CLEC16A: variants seen among roughly 807,000 people sequenced by gnomAD.
The protein encoded by CLEC16A is protein CLEC16A.
In CLEC16A, 51 loss-of-function variants were observed where a neutral mutation model predicts 109.5. The ratio of observed to expected loss-of-function variants is 0.47; its 90% CI spans 0.37 to 0.59. The LOEUF (loss-of-function observed/expected upper bound fraction) is 0.59, where lower values mean the gene tolerates loss of function less well. Among genes scored for constraint, CLEC16A ranks in the 20% least tolerant of loss-of-function variants. The pLI, the probability that CLEC16A is intolerant of heterozygous loss-of-function variation, is 0.00. For missense variants in CLEC16A, 1,339 were observed against 1,394.0 expected (o/e 0.96, Z 0.63); for synonymous variants, 673 against 564.2 (o/e 1.19, Z -2.73).
At chr16:11,071,036 T>G (rs564050835) in intron 19 of CLEC16A, 7 of 152,384 alleles carry the variant, frequency 4.6e-5, no homozygotes, top group African/African-American at 1.7e-4. Flanking sequence ...CCAGCTTCTT[T>G]GCAGACAAGA....
intron 21 of CLEC16A, among the ~76,000 whole-genome samples, chr16:11,125,581 C>T (rs7206125): frequency 0.12 from 18,590 of 152,282 alleles, 1,294 homozygotes; most frequent in South Asian, 0.22. Context: ...TATACATACA[C>T]ACGTATACGT....
intron 14 of CLEC16A, 81 bp from the exon 15 acceptor site, chr16:11,042,173 C>A: frequency 2.9e-6 from 3 of 1,047,060 alleles, no homozygotes; most frequent in South Asian, 1.4e-5. Context: ...ACCTGCTAGC[C>A]TCAACGTGGA....
chr16:11,056,931 C>G (rs1254254773), intron 18 of CLEC16A: 1 of 152,180 alleles, frequency 6.6e-6, no homozygotes, highest in Non-Finnish European at 1.5e-5. Context: ...AAATAAGTCT[C>G]ATTTCTTATG....
intron 22 of CLEC16A, among the ~76,000 whole-genome samples, chr16:11,164,912 G>A (rs544669582): frequency 1.4e-4 from 22 of 152,328 alleles, no homozygotes; most frequent in African/African-American, 4.8e-4. Context: ...AGGCAGGGCA[G>A]GTGGCATGAA....
chr16:11,110,872 A>G (rs1306203519), intron 19 of CLEC16A, among the ~76,000 whole-genome samples: 1 of 152,240 alleles, frequency 6.6e-6, no homozygotes, highest in Non-Finnish European at 1.5e-5. Context: ...GCACAGTGCT[A>G]AAGCTCAAGT....
intron 17 of CLEC16A, among the ~76,000 whole-genome samples, chr16:11,050,258 T>C (rs1169046539): frequency 1.3e-5 from 2 of 152,148 alleles, no homozygotes; most frequent in African/African-American, 2.4e-5. Context: ...TGAGACCCAA[T>C]CCCGTCTTGT....
chr16:10,945,233 G>C (rs944128692), intron 1 of CLEC16A, among the ~76,000 whole-genome samples: 1 of 152,210 alleles, frequency 6.6e-6, no homozygotes, highest in African/African-American at 2.4e-5. Context: ...CTTGTAAAAA[G>C]AGTAGAGTGA....
intron 10 of CLEC16A, among the ~76,000 whole-genome samples, chr16:10,997,550 G>A (rs1003837753): frequency 1.2e-4 from 18 of 152,146 alleles, no homozygotes; most frequent in Admixed American, 1.2e-3. Flanking sequence ...CTATTCTTAA[G>A]TGTTCAGTTC....
chr16:11,061,408 A>T (rs1337398542), intron 19 of CLEC16A, among the ~76,000 whole-genome samples: 1 of 152,226 alleles, frequency 6.6e-6, no homozygotes, highest in East Asian at 1.9e-4. Context: ...TCTGCTGCTA[A>T]AGAAAGAAAC....
rs768919709 is a variant in CLEC16A, at chr16:10,944,726, C to T, written c.9C>T (p.Gly3=). ...GGGTCGGGGCCGCCGACATGTTTGGCCGCTCGCGGAGCTGGGTGGGCGGGG... is the reference window on the plus strand; with the variant it reads ...GGGTCGGGGCCGCCGACATGTTTGGTCGCTCGCGGAGCTGGGTGGGCGGGG... The part of the protein sequence containing the change: MF[G]RSRSWVGGGH... The change falls in exon 1 of 24, where the codon GGC becomes GGT. Residue 3 remains glycine (G), a synonymous_variant. Coordinates refer to ENST00000409790, the MANE Select transcript of CLEC16A (RefSeq NM_015226.3). 12 of 1,606,686 alleles carry T rather than the reference C, an allele frequency of 7.5e-6. No individual in the cohort carries two copies. The South Asian group carries it at 7.8e-5, about 10-fold the overall frequency.
intron 19 of CLEC16A, among the ~76,000 whole-genome samples, chr16:11,112,495 CAAAA>C (rs984574100): frequency 4.7e-5 from 4 of 85,598 alleles, no homozygotes; most frequent in African/African-American, 1.3e-4. Context: ...CCTATCTCTA[CAAAA>C]AAAAAAAAAA....
At chr16:10,978,608 A>G (rs1156624376) in intron 8 of CLEC16A, among the ~76,000 whole-genome samples, 3 of 152,168 alleles carry the variant, frequency 2.0e-5, no homozygotes, top group East Asian at 3.9e-4. Context: ...GACTCCTTTC[A>G]AAGCACGCTG....
At chr16:11,022,077 T>C (rs915494598) in intron 12 of CLEC16A, among the ~76,000 whole-genome samples, 1 of 152,208 alleles carries the variant, frequency 6.6e-6, no homozygotes, top group Non-Finnish European at 1.5e-5. Flanking sequence ...TTCTTAACTT[T>C]GGGCATCTTG....
In CLEC16A at chr16:11,003,004, G is replaced by A. The variant is rs369204717; in HGVS notation, c.1072-70G>A. 9.3e-6 allele frequency: 12 copies of A among 1,296,114 alleles called. No individual in the cohort carries two copies. In the South Asian group the frequency reaches 1.5e-4, roughly 16 times the overall value. 80.3% of individuals were successfully genotyped at this position (1,296,114 alleles called of 1,614,324 possible). ...GAGTTTCTTAGGACAGAAACTTTTGGGCAACTTGATAGCATCCAGCAGGAT... is the reference window on the plus strand; with the variant it reads ...GAGTTTCTTAGGACAGAAACTTTTGAGCAACTTGATAGCATCCAGCAGGAT... On this transcript the variant is annotated intron_variant, in intron 10 of 23. Coordinates refer to ENST00000409790, the MANE Select transcript of CLEC16A (RefSeq NM_015226.3).
Position 10,982,961 on chromosome 16 carries a change from T to C in CLEC16A, c.1041T>C (p.Ala347=). Residue 347 remains alanine (A), a synonymous_variant, in exon 10 of 24, where the codon GCT becomes GCC. Transcript: ENST00000409790. ...ILNGDLSEMY[A]KTEQDIQRSS... is the part of the protein sequence containing the mutation. ...ATGGTGATCTGTCTGAGATGTACGCTAAGACTGAACAGGATATTCAGAGAA... is the reference window on the plus strand; with the variant it reads ...ATGGTGATCTGTCTGAGATGTACGCCAAGACTGAACAGGATATTCAGAGAA... 6.2e-7 allele frequency: 1 copy of C among 1,610,860 alleles called. No homozygotes were observed.
At chr16:11,105,448 G>C (rs1035849111) in intron 19 of CLEC16A, among the ~76,000 whole-genome samples, 2 of 152,196 alleles carry the variant, frequency 1.3e-5, no homozygotes, top group African/African-American at 4.8e-5. Flanking sequence ...TGGGAACAAG[G>C]AGGGTAAAAT....
At position 11,120,607 on chromosome 16, in the gene CLEC16A, C is replaced by T. The variant is rs1349378002; in HGVS notation, c.2117-8C>T. 6.2e-7 allele frequency: 1 copy of T among 1,605,148 alleles called. No individual in the cohort carries two copies. Among genetic ancestry groups the T allele is most frequent in the Admixed American group, 1.7e-5 (1 of 59,400 alleles). On this transcript the variant is annotated splice_region_variant and splice_polypyrimidine_tract_variant and intron_variant, in intron 19 of 23. Coordinates refer to ENST00000409790, the MANE Select transcript of CLEC16A (RefSeq NM_015226.3). The stretch of plus-strand genomic sequence containing the variant: ...TGCCTCATTCTCTTCTCACCTTCCT[C>T]CTCCCAGATAACAGCGACTTGATTG...
chr16:11,178,825 G>A lies in CLEC16A; in HGVS notation c.*135G>A, dbSNP rs202167862. 103 of 641,788 alleles carry A rather than the reference G, an allele frequency of 1.6e-4. No individual in the cohort carries two copies. The highest frequency in any genetic ancestry group is 1.8e-4 in the Non-Finnish European group (69 of 386,722). The allele number at this position is 641,788 out of a possible 1,614,324, so 39.8% of individuals were successfully genotyped here. ...AGCCATCTCAACCACCTATCCCTGCGCTCCCTTGAATGGGAAGAAGCCCCA... is the reference window on the plus strand; with the variant it reads ...AGCCATCTCAACCACCTATCCCTGCACTCCCTTGAATGGGAAGAAGCCCCA... On this transcript the variant is annotated 3_prime_UTR_variant, in exon 24 of 24. Transcript: ENST00000409790. The surrounding 1 kb of genome is among the most constrained non-coding windows in gnomAD (Gnocchi z 6.5).
intron 11 of CLEC16A, among the ~76,000 whole-genome samples, chr16:11,009,168 C>G (rs891169247): frequency 6.6e-6 from 1 of 152,100 alleles, no homozygotes; most frequent in Non-Finnish European, 1.5e-5. Context: ...GTCGTTTATT[C>G]AAATGGAATC....
Sources: allele counts gnomAD v4.1 joint callset (sites outside exome capture counted in the v4.1 genomes callset), GRCh38; gene constraint gnomAD v4.1.1; non-coding constraint Gnocchi (gnomAD v3.1); transcripts MANE v1.5; gene names NCBI Gene and HGNC (gene_info 2026-07-23, HGNC 2026-07-21).